TEDC2: variants seen among roughly 807,000 people sequenced by gnomAD.
The protein encoded by TEDC2 is tubulin epsilon and delta complex 2.
A neutral mutation model predicts 48.1 loss-of-function variants in TEDC2; 49 were observed. The ratio of observed to expected loss-of-function variants is 1.02; its 90% CI spans 0.81 to 1.29. The LOEUF (loss-of-function observed/expected upper bound fraction) is 1.29. Among genes scored for constraint, TEDC2 ranks in the 50% most tolerant of loss-of-function variants. The pLI, the probability that TEDC2 is intolerant of heterozygous loss-of-function variation, is 0.00. For synonymous variants in TEDC2, 299 were observed against 247.1 expected (o/e 1.21, Z -1.97); for missense variants, 631 against 571.4 (o/e 1.10, Z -1.06).
At chr16:2,461,678 G>A in intron 4 of TEDC2, 69 bp from the exon 5 acceptor site, 1 of 1,586,220 alleles carries the variant, frequency 6.3e-7, no homozygotes, top group South Asian at 1.1e-5. Flanking sequence ...ATTGGGCTCT[G>A]AGCAGGAAGT....
Position 2,462,640 on chromosome 16 carries a change from A to G in TEDC2, c.872A>G (p.Asp291Gly), listed in dbSNP as rs1203414035. 1 of 1,547,488 alleles carries G rather than the reference A, an allele frequency of 6.5e-7. No homozygotes were observed. Among genetic ancestry groups the G allele is most frequent in the Non-Finnish European group, 8.7e-7 (1 of 1,146,462 alleles). ...MREELSAAPM[D>G]WMQEYRCLLT... ...CCTGACTCTTCTGCAGCCCCCATGGACTGGATGCAGGAGTACCGCTGCCTG... is the reference window on the plus strand; with the variant it reads ...CCTGACTCTTCTGCAGCCCCCATGGGCTGGATGCAGGAGTACCGCTGCCTG... The change falls in exon 8 of 10, where the codon GAC becomes GGC. Residue 291 changes from aspartate (D) to glycine (G), a missense_variant. Coordinates refer to ENST00000361837, the MANE Select transcript of TEDC2 (RefSeq NM_025108.3).
intron 2 of TEDC2, 22 bp from the exon 3 acceptor site, chr16:2,460,601 A>T: frequency 2.5e-6 from 4 of 1,612,150 alleles, no homozygotes; most frequent in Non-Finnish European, 3.4e-6. Flanking sequence ...TGGCCGTGCG[A>T]CGGCTGCCCG....
Position 2,460,655 on chromosome 16 carries a change from C to G in TEDC2, c.158C>G (p.Pro53Arg), listed in dbSNP as rs1384037017. ...EPTGTRALKPPPGPETNGEDP... is the reference protein window; with the variant it reads ...EPTGTRALKPRPGPETNGEDP... ...ACTGGGACCCGGGCTTTGAAGCCAC[C>G]TCCAGGGCCAGAAACTAATGGAGAG... The change falls in exon 3 of 10, where the codon CCT becomes CGT. Residue 53 changes from proline to arginine, a missense_variant. By Grantham distance (103) the Pro-to-Arg change is moderately radical. Coordinates refer to ENST00000361837, the MANE Select transcript of TEDC2 (RefSeq NM_025108.3). The G allele has an allele frequency of 6.2e-7, 1 of 1,613,062 alleles. No homozygotes were observed. The highest frequency in any genetic ancestry group is 8.5e-7 in the Non-Finnish European group (1 of 1,180,004).
At chr16:2,462,273 C>T in intron 6 of TEDC2, 34 bp downstream of exon 6, 1 of 1,610,054 alleles carries the variant, frequency 6.2e-7, no homozygotes, top group Non-Finnish European at 8.5e-7. Flanking sequence ...GCCCTGGGGG[C>T]CTCTAGCTCT....
chr16:2,462,674 G>T lies in TEDC2; in HGVS notation c.906G>T (p.Leu302=). ...AGGAGTACCGCTGCCTGCTCACGCT[G>T]GAGGGGCTGCAGGCCATGGTGGGCC... ...WMQEYRCLLT[L]EGLQAMVGQC... is the part of the protein sequence containing the mutation. The change falls in exon 8 of 10, where the codon CTG becomes CTT. Residue 302 remains leucine (L), a synonymous_variant. Transcript: ENST00000361837. The T allele has an allele frequency of 6.5e-7, 1 of 1,547,132 alleles. No homozygotes were observed.
In TEDC2 at chr16:2,464,021, A is replaced by G. The variant is rs1234310587; in HGVS notation, c.965-18A>G. On this transcript the variant is annotated intron_variant, in intron 8 of 9. Transcript: ENST00000361837. Reference sequence around the variant, plus strand: ...GTTCGGCTGCTACCCCAAAGGCCACATTCTCCTGTGCACACAGCGGTGGCG... The same window carrying G: ...GTTCGGCTGCTACCCCAAAGGCCACGTTCTCCTGTGCACACAGCGGTGGCG... 2 of 1,598,044 alleles carry G rather than the reference A, an allele frequency of 1.3e-6. No individual in the cohort carries two copies. The highest frequency in any genetic ancestry group is 4.5e-5 in the East Asian group (2 of 44,466).
intron 8 of TEDC2, among the ~76,000 whole-genome samples, chr16:2,463,406 C>T (rs541939985): frequency 8.6e-4 from 131 of 152,146 alleles, no homozygotes; most frequent in African/African-American, 2.9e-3. Flanking sequence ...GCAGGCGGAT[C>T]ATTTGAGGTC....
At position 2,461,243 on chromosome 16, in the gene TEDC2, C is replaced by T. The variant is rs747730998; in HGVS notation, c.605+19C>T. On this transcript the variant is annotated intron_variant, in intron 4 of 9. Transcript: ENST00000361837. ...AGAAGGGGTAGGTTTCCCGGACCCTCACTGGAGGGACTTCTGTCTCTGCCT... is the reference window on the plus strand; with the variant it reads ...AGAAGGGGTAGGTTTCCCGGACCCTTACTGGAGGGACTTCTGTCTCTGCCT... The T allele has an allele frequency of 1.7e-5, 24 of 1,446,690 alleles. No homozygotes were observed. In the South Asian group the frequency reaches 3.4e-4, roughly 21 times the overall value. 89.6% of individuals were successfully genotyped at this position (1,446,690 alleles called of 1,614,324 possible).
Position 2,460,877 on chromosome 16 carries a change from G to T in TEDC2, c.258G>T (p.Lys86Asn), listed in dbSNP as rs746080516. The change falls in exon 4 of 10, where the codon AAG becomes AAT. Residue 86 changes from lysine (K) to asparagine (N), a missense_variant. Transcript: ENST00000361837. The stretch of plus-strand genomic sequence containing the variant: ...AGTTTCTGACCCAGGCACTGGAGAA[G>T]GCTGTACGAGTTCGAAGAGGCATCA... Reference protein sequence around the residue: ...ELEFLTQALEKAVRVRRGITK... With the variant: ...ELEFLTQALENAVRVRRGITK... 6.2e-7 allele frequency: 1 copy of T among 1,613,458 alleles called. No individual in the cohort carries two copies. Among genetic ancestry groups the T allele is most frequent in the African/African-American group, 1.3e-5 (1 of 74,934 alleles).
chr16:2,461,021 A>T lies in TEDC2; in HGVS notation c.402A>T (p.Ser134=). The change falls in exon 4 of 10, where the codon TCA becomes TCT. Residue 134 remains serine (S), a synonymous_variant. Transcript: ENST00000361837. ...CAGGCCAAGCTGGTGGCCATGCTTC[A>T]GACACGAGACCCACCAAGGGCCTCC... The part of the protein sequence containing the change: ...HSPGQAGGHA[S]DTRPTKGLRQ... 6.2e-7 allele frequency: 1 copy of T among 1,612,586 alleles called. No homozygotes were observed. Among genetic ancestry groups the T allele is most frequent in the Non-Finnish European group, 8.5e-7 (1 of 1,179,644 alleles).
intron 9 of TEDC2, 90 bp from the exon 10 acceptor site, chr16:2,464,432 G>A: frequency 7.1e-7 from 1 of 1,411,260 alleles, no homozygotes; most frequent in Non-Finnish European, 9.5e-7. Context: ...AGGGAGGAGG[G>A]CTGAAGCATG....
chr16:2,461,731 C>T lies in TEDC2; in HGVS notation c.606-16C>T, dbSNP rs937388885. On this transcript the variant is annotated splice_polypyrimidine_tract_variant and intron_variant, in intron 4 of 9. Transcript: ENST00000361837. Reference sequence around the variant, plus strand: ...GAGCAAGGCGATGCTCCTCTGAACACGGGCTTCTCCGACAGGCACCTGCTG... The same window carrying T: ...GAGCAAGGCGATGCTCCTCTGAACATGGGCTTCTCCGACAGGCACCTGCTG... 10 of 1,613,070 alleles carry T rather than the reference C, an allele frequency of 6.2e-6. No individual in the cohort carries two copies. Among genetic ancestry groups the T allele is most frequent in the Middle Eastern group, 1.6e-4 (1 of 6,084 alleles).
chr16:2,461,327 C>T lies in TEDC2; in HGVS notation c.605+103C>T, dbSNP rs138840524. 263 of 1,357,244 alleles carry T rather than the reference C, an allele frequency of 1.9e-4. 2 individuals carry two copies. The East Asian group carries it at 4.8e-3, about 25-fold the overall frequency. The allele number at this position is 1,357,244 out of a possible 1,614,324, so 84.1% of individuals were successfully genotyped here. A position where few individuals can be genotyped will look rare whatever the true frequency, so the allele number is the denominator to read the frequency against. On this transcript the variant is annotated intron_variant, in intron 4 of 9. Transcript: ENST00000361837. ...TGGGGTGACAGGGAAGGCAGGGCAT[C>T]GAGCCCTGTGGCATACCCCTGAGGC...
Position 2,464,208 on chromosome 16 carries a change from C to T in TEDC2, c.1134C>T (p.Asp378=). 1 of 1,611,926 alleles carries T rather than the reference C, an allele frequency of 6.2e-7. No homozygotes were observed. Among genetic ancestry groups the T allele is most frequent in the Non-Finnish European group, 8.5e-7 (1 of 1,179,582 alleles). Residue 378 remains aspartate (D), a synonymous_variant, in exon 9 of 10, where the codon GAC becomes GAT. Coordinates refer to ENST00000361837, the MANE Select transcript of TEDC2 (RefSeq NM_025108.3). ...AALKLRVAVL[D]QQIHLEKVLM... ...TCAAGCTGCGAGTGGCTGTGCTGGACCAGCAGATCCACTTGGAAAAGGTGC... is the reference window on the plus strand; with the variant it reads ...TCAAGCTGCGAGTGGCTGTGCTGGATCAGCAGATCCACTTGGAAAAGGTGC...
In TEDC2 at chr16:2,460,386, G is replaced by A. The variant is rs996838177; in HGVS notation, c.125+5G>A. On this transcript the variant is annotated splice_donor_5th_base_variant and intron_variant, in intron 2 of 9. Coordinates refer to ENST00000361837, the MANE Select transcript of TEDC2 (RefSeq NM_025108.3). Reference sequence around the variant, plus strand: ...CCGTCGGCTGCTGCATGCCTGGTACGCGGACCCCGGACCCACTGGCCAGAC... The same window carrying A: ...CCGTCGGCTGCTGCATGCCTGGTACACGGACCCCGGACCCACTGGCCAGAC... 4 of 1,544,744 alleles carry A rather than the reference G, an allele frequency of 2.6e-6. No homozygotes were observed. In the Admixed American group the frequency reaches 7.9e-5, roughly 30 times the overall value.
In TEDC2 at chr16:2,462,235, C is replaced by T. The variant is rs1470434087; in HGVS notation, c.746C>T (p.Thr249Ile). Residue 249 changes from threonine (T) to isoleucine (I), a missense_variant, in exon 6 of 10, where the codon ACA (threonine) becomes ATA (isoleucine). Coordinates refer to ENST00000361837, the MANE Select transcript of TEDC2 (RefSeq NM_025108.3). ...ACCCAGTTCCTCCAGAACATGCAGACAGCTGTATCCTTGCTGGGCTTGTGG... is the reference window on the plus strand; with the variant it reads ...ACCCAGTTCCTCCAGAACATGCAGATAGCTGTATCCTTGCTGGGCTTGTGG... ...AKTQFLQNMQ[T>I]ASGGPQPRLS... is the part of the protein sequence containing the mutation. The T allele has an allele frequency of 8.1e-6, 13 of 1,613,226 alleles. No homozygotes were observed. The highest frequency in any genetic ancestry group is 3.3e-5 in the Admixed American group (2 of 60,028).
chr16:2,461,387 G>C (rs2065465858), intron 4 of TEDC2, 163 bp downstream of exon 4: 1 of 1,012,938 alleles, frequency 9.9e-7, no homozygotes, highest in Non-Finnish European at 1.4e-6. Context: ...AAGCAGCTGT[G>C]TGGTGGTGTC....
chr16:2,460,310 G>C lies in TEDC2; in HGVS notation c.54G>C (p.Leu18=), dbSNP rs1197128132. The part of the protein sequence containing the change: ...RRLVAELQGA[L]DACAQRQLQL... ...TGGTGGCCGAGCTGCAGGGCGCCCT[G>C]GACGCCTGCGCACAGCGACAATTGC... Residue 18 remains leucine (L), a synonymous_variant, in exon 2 of 10, where the codon CTG becomes CTC. Coordinates refer to ENST00000361837, the MANE Select transcript of TEDC2 (RefSeq NM_025108.3). The C allele has an allele frequency of 3.3e-6, 5 of 1,535,132 alleles. No individual in the cohort carries two copies. The East Asian group carries it at 7.6e-5, about 23-fold the overall frequency.
intron 2 of TEDC2, 55 bp downstream of exon 2, chr16:2,460,436 C>T: frequency 6.5e-7 from 1 of 1,534,974 alleles, no homozygotes; most frequent in Non-Finnish European, 8.8e-7. Context: ...CAGAGTCCCG[C>T]CCCGAGCGCC....
Sources: allele counts gnomAD v4.1 joint callset (sites outside exome capture counted in the v4.1 genomes callset), GRCh38; gene constraint gnomAD v4.1.1; transcripts MANE v1.5; gene names NCBI Gene and HGNC (gene_info 2026-07-23, HGNC 2026-07-21).